The following PLD1 variants were observed in gnomAD, a reference collection of about 807,000 sequenced individuals.
PLD1 encodes the protein phospholipase D1, also known as choline phosphatase 1.
A neutral mutation model predicts 137.1 loss-of-function variants in PLD1; 112 were observed. The observed-to-expected ratio is 0.82, with a 90% CI of 0.70 to 0.96. The LOEUF (loss-of-function observed/expected upper bound fraction) is 0.96. Among genes scored for constraint, PLD1 ranks in the 40% least tolerant of loss-of-function variants. The probability of loss-of-function intolerance (pLI) is 0.00; values close to 1 mark genes in which losing one functional copy is unlikely to be tolerated. For synonymous variants in PLD1, 431 were observed against 454.7 expected, an observed-to-expected ratio of 0.95 and a Z score of 0.66; for missense variants, 1,321 against 1,342.0, an observed-to-expected ratio of 0.98 and a Z score of 0.24.
chr3:171,620,740 C>CTATA (rs780459684), intron 23 of PLD1, among the ~76,000 whole-genome samples: 73 of 80,496 alleles, frequency 9.1e-4, no homozygotes, highest in Admixed American at 3.3e-3. Flanking sequence ...CTCTCTCTCT[C>CTATA]TCTATATATA....
chr3:171,744,053 T>C (rs1719965468), intron 1 of PLD1, among the ~76,000 whole-genome samples: 1 of 152,192 alleles, frequency 6.6e-6, no homozygotes, highest in African/African-American at 2.4e-5. Flanking sequence ...TGTAACATGT[T>C]AGAAACAGAT....
intron 21 of PLD1, among the ~76,000 whole-genome samples, chr3:171,656,156 TTTTATTTATTTA>T (rs142427730): frequency 1.4e-5 from 2 of 145,360 alleles, no homozygotes; most frequent in African/African-American, 2.5e-5. Context: ...AATACTATAA[TTTTATTTATTTA>T]TTTATTTATT....
rs1732744701 is a variant in PLD1, at chr3:171,612,486, T to C, written c.2729-54A>G. 1.3e-6 allele frequency: 2 copies of C among 1,544,272 alleles called. No individual in the cohort carries two copies. Among genetic ancestry groups the C allele is most frequent in the Admixed American group, 3.4e-5 (2 of 59,574 alleles). ...ACCTTCCTGTTGTGGCAGACACTGT[T>C]GGTTGCCCTCCCAACTCAATTCATC... On this transcript the variant is annotated intron_variant, in intron 24 of 26. Transcript: ENST00000351298. This position sits in a 1 kb window ranked among gnomAD's most constrained non-coding sequence, Gnocchi z 4.1.
intron 1 of PLD1, among the ~76,000 whole-genome samples, chr3:171,787,563 C>G (rs1237445731): frequency 2.0e-5 from 3 of 152,072 alleles, no homozygotes; most frequent in African/African-American, 7.3e-5. Context: ...AGAAAGGAAT[C>G]TAAAATACAT....
At chr3:171,609,700 A>G (rs1204966619) in intron 25 of PLD1, among the ~76,000 whole-genome samples, 2 of 152,136 alleles carry the variant, frequency 1.3e-5, no homozygotes, top group African/African-American at 2.4e-5. Flanking sequence ...AAAACAGTAC[A>G]TACACATGGA....
At chr3:171,713,859 G>A (rs760457262) in intron 9 of PLD1, 34 bp downstream of exon 9, 7 of 1,559,190 alleles carry the variant, frequency 4.5e-6, no homozygotes, top group Admixed American at 1.8e-5. Flanking sequence ...AGGCATTTTT[G>A]TAGAAATCTT....
In PLD1 at chr3:171,620,400, T is replaced by G; in HGVS notation, c.2714A>C (p.Asn905Thr). ...VHSKLLIADD[N>T]TVIIGSANIN... The stretch of plus-strand genomic sequence containing the variant: ...ACTGTACTTACCAATAATAACAGTG[T>G]TATCATCAGCAATTAACAACTTGCT... Residue 905 changes from asparagine to threonine, a missense_variant, in exon 24 of 27, where the codon AAC becomes ACC. Coordinates refer to ENST00000351298, the MANE Select transcript of PLD1 (RefSeq NM_002662.5). The G allele has an allele frequency of 6.3e-7, 1 of 1,597,044 alleles. No homozygotes were observed. The highest frequency in any genetic ancestry group is 8.6e-7 in the Non-Finnish European group (1 of 1,167,850).
intron 13 of PLD1, among the ~76,000 whole-genome samples, chr3:171,689,619 G>A (rs1374701446): frequency 1.3e-5 from 2 of 152,038 alleles, no homozygotes; most frequent in Non-Finnish European, 2.9e-5. Flanking sequence ...TTCTGCCTCA[G>A]CCTCCTGAGT....
chr3:171,729,171 A>G (rs1718749990), intron 6 of PLD1, among the ~76,000 whole-genome samples: 1 of 152,234 alleles, frequency 6.6e-6, no homozygotes, highest in Non-Finnish European at 1.5e-5. Flanking sequence ...CGCAGGGCTT[A>G]TTCCATTGAT....
chr3:171,708,903 G>T, intron 10 of PLD1, 65 bp from the exon 11 acceptor site: 1 of 1,030,658 alleles, frequency 9.7e-7, no homozygotes, highest in South Asian at 1.3e-5. Context: ...CTTATCTTAT[G>T]GTAAAGCAAA....
chr3:171,682,443 C>T (rs938703391), intron 16 of PLD1, among the ~76,000 whole-genome samples: 2 of 152,138 alleles, frequency 1.3e-5, no homozygotes, highest in Admixed American at 6.5e-5. Context: ...TGGTCATATG[C>T]GGTCAAGTGA....
chr3:171,698,805 A>C (rs1205183924), intron 12 of PLD1, among the ~76,000 whole-genome samples: 1 of 127,850 alleles, frequency 7.8e-6, no homozygotes, highest in Non-Finnish European at 1.7e-5. Flanking sequence ...TAAAAATACA[A>C]AAATACAAAA....
At chr3:171,769,276 A>G (rs1722183510) in intron 1 of PLD1, among the ~76,000 whole-genome samples, 1 of 152,226 alleles carries the variant, frequency 6.6e-6, no homozygotes, top group Non-Finnish European at 1.5e-5. Flanking sequence ...TGAGATCCAC[A>G]AGATACAAAT....
chr3:171,682,171 A>AAAGAAG (rs1714080766), intron 16 of PLD1, among the ~76,000 whole-genome samples: 1 of 142,252 alleles, frequency 7.0e-6, no homozygotes, highest in Non-Finnish European at 1.5e-5. Context: ...AAAGAAAAAG[A>AAAGAAG]AAGAAAGAAA....
At chr3:171,747,473 T>C (rs1432789675) in intron 1 of PLD1, among the ~76,000 whole-genome samples, 1 of 151,336 alleles carries the variant, frequency 6.6e-6, no homozygotes, top group Non-Finnish European at 1.5e-5. Context: ...TTCCTCTCTT[T>C]TTTTTTTTTT....
intron 19 of PLD1, among the ~76,000 whole-genome samples, chr3:171,668,470 C>T (rs144771670): frequency 6.6e-6 from 1 of 152,154 alleles, no homozygotes; most frequent in South Asian, 2.1e-4. Flanking sequence ...TTATTCCAAG[C>T]GTGAAAACAA....
At chr3:171,610,729 T>G (rs1330378464) in intron 25 of PLD1, among the ~76,000 whole-genome samples, 1 of 152,226 alleles carries the variant, frequency 6.6e-6, no homozygotes, top group East Asian at 1.9e-4. Flanking sequence ...GGGTACCAAT[T>G]TTTAAATTCT....
chr3:171,635,651 T>C (rs967957157), intron 23 of PLD1, among the ~76,000 whole-genome samples: 2 of 152,126 alleles, frequency 1.3e-5, no homozygotes, highest in Admixed American at 1.3e-4. Flanking sequence ...AGGAATTCTT[T>C]ACATATTCTG....
intron 6 of PLD1, 95 bp from the exon 7 acceptor site, chr3:171,726,171 G>A (rs1259703974): frequency 1.2e-5 from 9 of 773,090 alleles, no homozygotes; most frequent in Middle Eastern, 6.5e-4. Flanking sequence ...TGTATATACT[G>A]TTTGGTGTGC....
Sources: gnomAD v4.1 joint callset for allele counts (sites outside exome capture counted in the v4.1 genomes callset) on GRCh38, gnomAD v4.1.1 for gene constraint, Gnocchi (gnomAD v3.1) non-coding constraint, MANE v1.5 for transcripts, NCBI Gene and HGNC (gene_info 2026-07-23, HGNC 2026-07-21) for gene names.